The following PDE11A variants were observed in gnomAD, a reference collection of about 807,000 sequenced individuals.
The protein encoded by PDE11A is dual 3',5'-cyclic-AMP and -GMP phosphodiesterase 11A.
PDE11A carries 100 observed loss-of-function variants against 100.5 expected under a neutral mutation model. That is an observed-to-expected ratio of 1.00 (90% CI 0.85 to 1.18). PDE11A has a LOEUF of 1.18. Ranked by LOEUF, PDE11A falls within the 50% of genes most tolerant of loss-of-function variation. The pLI is 0.00. For synonymous variants in PDE11A, 381 were observed against 420.8 expected, an observed-to-expected ratio of 0.91 and a Z score of 1.16; for missense variants, 1,141 against 1,152.6, an observed-to-expected ratio of 0.99 and a Z score of 0.15.
intron 1 of PDE11A, among the ~76,000 whole-genome samples, chr2:178,020,487 C>T (rs921450786): frequency 6.6e-6 from 1 of 152,176 alleles, no homozygotes; most frequent in East Asian, 1.9e-4. Flanking sequence ...ACCTGATAAA[C>T]TGATAACTTA....
chr2:177,948,076 T>A (rs1398496668), intron 2 of PDE11A, among the ~76,000 whole-genome samples: 2 of 152,120 alleles, frequency 1.3e-5, no homozygotes, highest in Non-Finnish European at 2.9e-5. Context: ...ACTATGTGCA[T>A]GTGTGTATAT....
chr2:177,748,991 A>T (rs2081991019), intron 10 of PDE11A, among the ~76,000 whole-genome samples: 1 of 152,236 alleles, frequency 6.6e-6, no homozygotes, highest in Non-Finnish European at 1.5e-5. Flanking sequence ...ATATAAAAAT[A>T]GCTTTTACCA....
At chr2:177,760,843 C>A (rs1023769037) in intron 10 of PDE11A, among the ~76,000 whole-genome samples, 7 of 151,910 alleles carry the variant, frequency 4.6e-5, no homozygotes, top group African/African-American at 1.7e-4. Context: ...GTCTTGAGAC[C>A]AAGAGAATTA....
At chr2:178,007,310 G>T (rs1302088199) in intron 2 of PDE11A, among the ~76,000 whole-genome samples, 1 of 152,082 alleles carries the variant, frequency 6.6e-6, no homozygotes, top group Non-Finnish European at 1.5e-5. Flanking sequence ...TTTATTTTTG[G>T]TAGAAAGCTG....
rs374620087 is a variant in PDE11A at position 177,836,768 on chromosome 2, C to T, written c.1500+3483G>A. On this transcript the variant is annotated intron_variant, in intron 6 of 19. Coordinates refer to ENST00000286063, the MANE Select transcript of PDE11A (RefSeq NM_016953.4). ...ACTCACCTGGAGGAATGAACAACTC[C>T]GGACGGGAGGAACAAACAACTCCAG... Among the ~76,000 whole-genome samples the T allele has an allele frequency of 5.9e-5, 9 of 152,200 alleles. No homozygotes were observed. The South Asian group carries it at 8.3e-4, about 14-fold the overall frequency.
chr2:178,011,783 G>A (rs1017087488), intron 2 of PDE11A: 1 of 152,098 alleles, frequency 6.6e-6, no homozygotes, highest in East Asian at 1.9e-4. Context: ...CTACAGCCCT[G>A]TGAGTAAGTG....
chr2:177,706,254 A>G (rs989852717), intron 13 of PDE11A, among the ~76,000 whole-genome samples: 1 of 152,174 alleles, frequency 6.6e-6, no homozygotes, highest in African/African-American at 2.4e-5. Context: ...CTGTTTTTTT[A>G]TAGCCTTATA....
intron 15 of PDE11A, among the ~76,000 whole-genome samples, chr2:177,682,292 G>A (rs550842982): frequency 3.3e-4 from 50 of 152,290 alleles, no homozygotes; most frequent in African/African-American, 1.1e-3. Context: ...CATCATACAT[G>A]TATTGATTGA....
chr2:177,881,049 T>C (rs916608580), intron 4 of PDE11A, among the ~76,000 whole-genome samples: 6 of 152,106 alleles, frequency 3.9e-5, no homozygotes, highest in Non-Finnish European at 5.9e-5. Context: ...GTAAAGAAGA[T>C]TGTCCTGAGC....
intron 6 of PDE11A, among the ~76,000 whole-genome samples, chr2:177,834,541 C>T (rs188803478): frequency 8.5e-4 from 129 of 152,310 alleles, no homozygotes; most frequent in African/African-American, 2.8e-3. Flanking sequence ...GGCTCCCTGC[C>T]CCACTCCCCT....
chr2:178,045,496 T>C lies in PDE11A; in HGVS notation c.912+26030A>G, dbSNP rs1165423536. 2.6e-5 allele frequency among the ~76,000 whole-genome samples: 4 copies of C among 152,326 alleles called. No homozygotes were observed. The East Asian group carries it at 5.8e-4, about 22-fold the overall frequency. ...ATGTTGTTGAACAGACTGCCACTCA[T>C]TGTTTACATACCACACCAGAGACAG... On this transcript the variant is annotated intron_variant, in intron 1 of 19. Coordinates refer to ENST00000286063, the MANE Select transcript of PDE11A (RefSeq NM_016953.4).
At position 177,727,656 on chromosome 2, in the gene PDE11A, ACG is replaced by A; in HGVS notation, c.2043_2043+1del. On this transcript the variant is annotated splice_donor_variant and coding_sequence_variant, in exon 12 of 20. Transcript: ENST00000286063. LOFTEE classifies it high-confidence loss of function. ...TCTTCCACCATCACTAAGCACACTTACGGTTAACATCGCGAACATCAGCTGAC... is the reference window on the plus strand; with the variant it reads ...TCTTCCACCATCACTAAGCACACTTAGTTAACATCGCGAACATCAGCTGAC... The A allele has an allele frequency of 2.0e-6, 3 of 1,535,534 alleles. No homozygotes were observed. The highest frequency in any genetic ancestry group is 2.7e-6 in the Non-Finnish European group (3 of 1,108,374).
chr2:177,791,889 A>G (rs1489433974), intron 9 of PDE11A, among the ~76,000 whole-genome samples: 2 of 152,190 alleles, frequency 1.3e-5, no homozygotes, highest in African/African-American at 4.8e-5. Context: ...AATCATTTCA[A>G]TGTCCTTAAG....
At chr2:177,884,212 T>C (rs1227022195) in intron 4 of PDE11A, among the ~76,000 whole-genome samples, 17 of 152,116 alleles carry the variant, frequency 1.1e-4, no homozygotes, top group Admixed American at 1.0e-3. Context: ...TAAAGAAATC[T>C]CCCTATCACT....
intron 1 of PDE11A, among the ~76,000 whole-genome samples, chr2:178,055,412 G>A (rs1426956329): frequency 1.3e-5 from 2 of 152,072 alleles, no homozygotes; most frequent in African/African-American, 2.4e-5. Context: ...ACGAATTAAC[G>A]GGTGCAGCAC....
chr2:177,909,227 G>A (rs1488778092), intron 2 of PDE11A, among the ~76,000 whole-genome samples: 3 of 152,098 alleles, frequency 2.0e-5, no homozygotes, highest in Non-Finnish European at 4.4e-5. Flanking sequence ...CCAATTACAA[G>A]GCATTTAACA....
intron 7 of PDE11A, 99 bp from the exon 8 acceptor site, chr2:177,818,024 C>A (rs1420927313): frequency 2.8e-6 from 2 of 720,092 alleles, no homozygotes; most frequent in East Asian, 5.3e-5. Context: ...TTTTAAGGAA[C>A]TGCACTCAGT....
intron 9 of PDE11A, among the ~76,000 whole-genome samples, chr2:177,800,119 C>T (rs987012790): frequency 2.0e-5 from 3 of 151,696 alleles, no homozygotes; most frequent in African/African-American, 7.3e-5. Flanking sequence ...TCCTAATAGT[C>T]TCAGAACAAA....
intron 3 of PDE11A, among the ~76,000 whole-genome samples, chr2:177,904,472 T>A (rs1279911332): frequency 6.6e-6 from 1 of 152,080 alleles, no homozygotes. Flanking sequence ...TGTAAAAGCA[T>A]CACCAAATTG....
Sources: allele counts gnomAD v4.1 joint callset (sites outside exome capture counted in the v4.1 genomes callset), GRCh38; gene constraint gnomAD v4.1.1; transcripts MANE v1.5; gene names NCBI Gene and HGNC (gene_info 2026-07-23, HGNC 2026-07-21).